SAMSN1: variants seen among roughly 807,000 people sequenced by gnomAD.
SAMSN1 encodes the protein SAM domain, SH3 domain and nuclear localization signals 1, also known as SAM domain-containing protein SAMSN-1.
In SAMSN1, 31 loss-of-function variants were observed where a neutral mutation model predicts 42.0. That is an observed-to-expected ratio of 0.74 (90% confidence interval 0.55 to 1.00). The LOEUF (loss-of-function observed/expected upper bound fraction) is 1.00. Ranked by LOEUF, SAMSN1 falls within the 50% of genes least tolerant of loss-of-function variation. SAMSN1 has a pLI of 0.00. For missense variants in SAMSN1, 464 were observed against 439.4 expected, an observed-to-expected ratio of 1.06 and a Z score of -0.50; for synonymous variants, 178 against 151.9, an observed-to-expected ratio of 1.17 and a Z score of -1.26.
intron 2 of SAMSN1, among the ~76,000 whole-genome samples, chr21:14,557,844 C>T (rs1378988763): frequency 6.6e-6 from 1 of 152,186 alleles, no homozygotes; most frequent in African/African-American, 2.4e-5. Context: ...TGGGATTTTG[C>T]TCAAGCTTTT....
At chr21:14,636,754 C>T (rs376265387) in intron 2 of SAMSN1, among the ~76,000 whole-genome samples, 5 of 149,130 alleles carry the variant, frequency 3.4e-5, no homozygotes, top group East Asian at 2.0e-4. Flanking sequence ...GAGGCTGAGG[C>T]GGTGGCGGGG....
upstream of SAMSN1, among the ~76,000 whole-genome samples, chr21:14,548,137 C>A (rs900109629): frequency 1.3e-5 from 2 of 152,002 alleles, no homozygotes; most frequent in African/African-American, 4.8e-5. Context: ...CCATTTGCAC[C>A]CTCGACACCC....
intron 4 of SAMSN1, 48 bp from the exon 5 acceptor site, chr21:14,510,509 C>G: frequency 6.2e-7 from 1 of 1,601,446 alleles, no homozygotes; most frequent in Non-Finnish European, 8.6e-7. Flanking sequence ...TTATAACATT[C>G]TGAATCATCA....
At chr21:14,552,847 T>A (rs900695791) in intron 2 of SAMSN1, among the ~76,000 whole-genome samples, 1 of 152,132 alleles carries the variant, frequency 6.6e-6, no homozygotes, top group Non-Finnish European at 1.5e-5. Context: ...TTTGCTTGCC[T>A]CAATATCAAA....
chr21:14,568,607 G>A (rs907988064), intron 2 of SAMSN1, among the ~76,000 whole-genome samples: 44 of 152,078 alleles, frequency 2.9e-4, no homozygotes, highest in Admixed American at 2.8e-3. Context: ...TGGTCATCTA[G>A]TACTATCCAT....
intron 7 of SAMSN1, among the ~76,000 whole-genome samples, chr21:14,494,150 G>A (rs1986810946): frequency 6.6e-6 from 1 of 152,184 alleles, no homozygotes; most frequent in South Asian, 2.1e-4. Flanking sequence ...AAGACAGTGT[G>A]GCGATCCCTC....
Position 14,644,375 on chromosome 21 carries a change from C to T in SAMSN1, c.25-1242G>A, listed in dbSNP as rs149538769. The stretch of plus-strand genomic sequence containing the variant: ...CTGATAAGAGTCATGAGGTACCCCC[C>T]TTCCGGGCCCTAGCTCCCAGATGAC... On this transcript the variant is annotated intron_variant, in intron 1 of 15. Coordinates refer to the SAMSN1 transcript ENST00000647101. Among the ~76,000 whole-genome samples, 1,042 of 152,162 alleles carry T rather than the reference C, an allele frequency of 6.8e-3. 12 individuals are homozygous for T. Among genetic ancestry groups the T allele is most frequent in the African/African-American group, 0.017 (724 of 41,496 alleles).
At chr21:14,613,062 C>A (rs1432803990) in intron 3 of SAMSN1, 5 of 479,110 alleles carry the variant, frequency 1.0e-5, no homozygotes, top group Non-Finnish European at 1.9e-5. Context: ...ATTTTCCTAA[C>A]CCTAGGTGGC....
At chr21:14,582,336 A>T in exon 2 of SAMSN1, 2 of 1,550,176 alleles carry the variant, frequency 1.3e-6, no homozygotes, top group Non-Finnish European at 1.7e-6. Context: ...TCCAAGTTGC[A>T]GTTATTTAAA....
At chr21:14,569,684 T>G (rs1008828672) in intron 2 of SAMSN1, among the ~76,000 whole-genome samples, 1 of 152,160 alleles carries the variant, frequency 6.6e-6, no homozygotes, top group Non-Finnish European at 1.5e-5. Flanking sequence ...AAATGGGAAC[T>G]GGCCAAAGAA....
chr21:14,525,288 T>C (rs1978769697), intron 1 of SAMSN1, among the ~76,000 whole-genome samples: 1 of 151,784 alleles, frequency 6.6e-6, no homozygotes, highest in African/African-American at 2.4e-5. Context: ...AAGAAAGCAA[T>C]CACACCAAGC....
chr21:14,512,645 T>C, intron 3 of SAMSN1, 72 bp from the exon 4 acceptor site: 1 of 1,380,728 alleles, frequency 7.2e-7, no homozygotes, highest in Non-Finnish European at 1.0e-6. Flanking sequence ...GTACATTGAT[T>C]TAATAGACAC....
At chr21:14,561,343 G>C (rs976708022) in intron 2 of SAMSN1, among the ~76,000 whole-genome samples, 1 of 152,214 alleles carries the variant, frequency 6.6e-6, no homozygotes, top group Admixed American at 6.5e-5. Flanking sequence ...TGATTAGAGT[G>C]ATAACTCTAG....
chr21:14,541,515 GTTTT>G (rs1357832250), intron 1 of SAMSN1, among the ~76,000 whole-genome samples: 1 of 151,356 alleles, frequency 6.6e-6, no homozygotes, highest in African/African-American at 2.4e-5. Context: ...ATTTTTTGTG[GTTTT>G]TTTTGTTTGT....
chr21:14,584,990 G>T (rs1382679085), upstream of SAMSN1, among the ~76,000 whole-genome samples: 1 of 151,710 alleles, frequency 6.6e-6, no homozygotes, highest in African/African-American at 2.4e-5. Context: ...CTGCAAAATA[G>T]CACTTACGTA....
At chr21:14,569,486 A>C (rs1014770609) in intron 2 of SAMSN1, among the ~76,000 whole-genome samples, 2 of 152,138 alleles carry the variant, frequency 1.3e-5, no homozygotes, top group African/African-American at 4.8e-5. Flanking sequence ...GATATTTTTA[A>C]TCTTAACCCT....
In SAMSN1 at chr21:14,485,917, C is replaced by A; in HGVS notation, c.1117G>T (p.Asp373Tyr). Residue 373 changes from aspartate (D) to tyrosine (Y), a missense_variant, in exon 8 of 8, where the codon GAC (aspartate) becomes TAC (tyrosine). Coordinates refer to ENST00000400566, the MANE Select transcript of SAMSN1 (RefSeq NM_022136.5). Reference sequence around the variant, plus strand: ...ATATAGTTGGGAATGCGTGTTCAGTCACTTGGCTCTGTGATAATAATCTTA... The same window carrying A: ...ATATAGTTGGGAATGCGTGTTCAGTAACTTGGCTCTGTGATAATAATCTTA... The part of the protein sequence containing the change: ...VHKIIITEPS[D>Y] 1 of 1,612,882 alleles carries A rather than the reference C, an allele frequency of 6.2e-7. No individual in the cohort carries two copies. Among genetic ancestry groups the A allele is most frequent in the Non-Finnish European group, 8.5e-7 (1 of 1,179,106 alleles).
rs77821450 is a variant in SAMSN1, at chr21:14,630,478, G to C, written c.156+12524C>G. Among the ~76,000 whole-genome samples the C allele has an allele frequency of 9.3e-5, 14 of 150,906 alleles. No individual in the cohort carries two copies. The East Asian group carries it at 2.7e-3, about 29-fold the overall frequency. On this transcript the variant is annotated intron_variant, in intron 2 of 15. Coordinates refer to the SAMSN1 transcript ENST00000647101. ...CTGTAAGCCTAGGAAATAAAAAAAA[G>C]AACAGAGCACAATTAACCTTCATCT...
chr21:14,651,852 A>G (rs181119830), intron 1 of SAMSN1, among the ~76,000 whole-genome samples: 73 of 152,176 alleles, frequency 4.8e-4, no homozygotes, highest in South Asian at 1.7e-3. Flanking sequence ...TCAACATAAA[A>G]TACCAGTAGC....
Sources: gnomAD v4.1 joint callset for allele counts (sites outside exome capture counted in the v4.1 genomes callset) on GRCh38, gnomAD v4.1.1 for gene constraint, MANE v1.5 for transcripts, NCBI Gene and HGNC (gene_info 2026-07-23, HGNC 2026-07-21) for gene names.